The following CDKL1 variants were observed in gnomAD, a reference collection of about 807,000 sequenced individuals.
CDKL1 encodes cyclin-dependent kinase-like 1.
CDKL1 carries 41 observed loss-of-function variants against 42.0 expected under a neutral mutation model. The ratio of observed to expected loss-of-function variants is 0.98; its 90% CI spans 0.76 to 1.27. The LOEUF (loss-of-function observed/expected upper bound fraction) is 1.27, where lower values mean the gene tolerates loss of function less well. Ranked by LOEUF, CDKL1 falls within the 50% of genes most tolerant of loss-of-function variation. CDKL1 has a pLI of 0.00. For synonymous variants in CDKL1, 153 were observed against 158.6 expected (o/e 0.96, Z 0.26); for missense variants, 394 against 428.4 (o/e 0.92, Z 0.71).
chr14:50,379,682 C>T (rs1458996145), intron 2 of CDKL1, among the ~76,000 whole-genome samples: 2 of 152,098 alleles, frequency 1.3e-5, no homozygotes, highest in Non-Finnish European at 1.5e-5. Flanking sequence ...ATGTGTCACC[C>T]GACTTGCATT....
chr14:50,373,871 T>C (rs187781811), intron 2 of CDKL1, among the ~76,000 whole-genome samples: 64 of 152,340 alleles, frequency 4.2e-4, no homozygotes, highest in African/African-American at 1.4e-3. Flanking sequence ...GTTTGGCAGT[T>C]TCTTACAAAG....
rs796368991 is a variant in CDKL1, at chr14:50,328,939, A to ATATGTG, written c.*1134_*1135insCACATA. On this transcript the variant is annotated 3_prime_UTR_variant, in exon 10 of 10. Transcript: ENST00000395834. The stretch of plus-strand genomic sequence containing the variant: ...ATATATAAAAAACACATATATATAT[A>ATATGTG]TGTGTGTGTGTGTCATCATTTTAAG... 1.3e-5 allele frequency: 2 copies of ATATGTG among 148,586 alleles called. No homozygotes were observed. Among genetic ancestry groups the ATATGTG allele is most frequent in the Admixed American group, 6.7e-5 (1 of 14,838 alleles). 9.2% of individuals were successfully genotyped at this position (148,586 alleles called of 1,614,324 possible).
chr14:50,331,782 A>G (rs746884232), intron 9 of CDKL1: 169 of 511,494 alleles, frequency 3.3e-4, no homozygotes, highest in Non-Finnish European at 1.6e-4. Flanking sequence ...GGTTAAATGT[A>G]TTCAGCTGAT....
At chr14:50,392,305 G>A (rs2035280277) in intron 2 of CDKL1, among the ~76,000 whole-genome samples, 1 of 152,058 alleles carries the variant, frequency 6.6e-6, no homozygotes, top group Non-Finnish European at 1.5e-5. Context: ...AAGTGGCCAG[G>A]TGTAGTGGCA....
intron 3 of CDKL1, among the ~76,000 whole-genome samples, chr14:50,355,426 A>G (rs1692778095): frequency 6.6e-6 from 1 of 152,244 alleles, no homozygotes; most frequent in African/African-American, 2.4e-5. Context: ...CCAGCAGAGT[A>G]CTTCATAATC....
At chr14:50,352,410 T>C (rs2033930757) in intron 3 of CDKL1, among the ~76,000 whole-genome samples, 1 of 152,036 alleles carries the variant, frequency 6.6e-6, no homozygotes, top group Non-Finnish European at 1.5e-5. Context: ...AACTCAAAAG[T>C]ACCAATTTGA....
In CDKL1 at chr14:50,358,540, A is replaced by AT. The variant is rs1469312604; in HGVS notation, c.290+487dup. ...TGCTGGTTTCTTCATTAAAGTGACT[A>AT]TTTTTTTTATCCTTTTGTAACATTT... On this transcript the variant is annotated intron_variant, in intron 3 of 9. Transcript: ENST00000395834. Among the ~76,000 whole-genome samples the AT allele has an allele frequency of 6.6e-5, 10 of 150,410 alleles. No individual in the cohort carries two copies. The South Asian group carries it at 1.9e-3, about 28-fold the overall frequency.
At chr14:50,388,385 G>C (rs2035149719) in intron 2 of CDKL1, among the ~76,000 whole-genome samples, 1 of 152,210 alleles carries the variant, frequency 6.6e-6, no homozygotes, top group Non-Finnish European at 1.5e-5. Context: ...AGGCAACCTT[G>C]ACAGTCCTAC....
At chr14:50,336,255 C>A in intron 7 of CDKL1, 1 of 1,271,426 alleles carries the variant, frequency 7.9e-7, no homozygotes. Flanking sequence ...GCAGCCCCCG[C>A]ACTGCCTCTT....
intron 3 of CDKL1, among the ~76,000 whole-genome samples, chr14:50,356,627 A>G (rs1430173177): frequency 6.6e-6 from 1 of 152,174 alleles, no homozygotes; most frequent in Non-Finnish European, 1.5e-5. Flanking sequence ...GAGCTGAACA[A>G]TGAGAACACA....
In CDKL1 at chr14:50,334,555, T is replaced by G. The variant is rs773184833; in HGVS notation, c.795+10A>C. On this transcript the variant is annotated intron_variant, in intron 8 of 9. Transcript: ENST00000395834. ...GTGCTTCCTGGTCTGTTGGAAGCCA[T>G]GATTTTTACCTTTAGGAGCCCCAGG... The G allele has an allele frequency of 6.5e-7, 1 of 1,547,624 alleles. No individual in the cohort carries two copies. Among genetic ancestry groups the G allele is most frequent in the Non-Finnish European group, 8.9e-7 (1 of 1,119,878 alleles).
intron 3 of CDKL1, chr14:50,358,215 A>C: frequency 8.7e-7 from 1 of 1,147,488 alleles, no homozygotes; most frequent in Non-Finnish European, 1.1e-6. Context: ...TTACAGCCAC[A>C]ACACAATTGT....
rs57657571 is a variant in CDKL1, at chr14:50,329,036, C to CATATAT, written c.*1032_*1037dup. On this transcript the variant is annotated 3_prime_UTR_variant, in exon 10 of 10. Coordinates refer to ENST00000395834, the MANE Select transcript of CDKL1 (RefSeq NM_004196.7). ...TGTAATATATTAGTTGTTAGAATAG[C>CATATAT]ATATATATATATATATATATATATA... is the stretch of plus-strand genomic sequence containing the variant. 7.8e-3 allele frequency: 1,092 copies of CATATAT among 140,552 alleles called. 8 individuals carry two copies. The highest frequency in any genetic ancestry group is 0.021 in the African/African-American group (783 of 38,130). 8.7% of individuals were successfully genotyped at this position (140,552 alleles called of 1,614,324 possible).
intron 3 of CDKL1, 118 bp downstream of exon 3, chr14:50,358,910 G>T (rs1415609903): frequency 1.2e-5 from 12 of 969,786 alleles, no homozygotes; most frequent in Middle Eastern, 2.6e-4. Context: ...AAAGTGCTGG[G>T]ATTACTGGCA....
At chr14:50,386,259 C>G (rs1175664028) in intron 2 of CDKL1, among the ~76,000 whole-genome samples, 1 of 151,932 alleles carries the variant, frequency 6.6e-6, no homozygotes, top group Non-Finnish European at 1.5e-5. Flanking sequence ...TAGTAAAATC[C>G]TATCTCTACA....
rs149198976 is a variant in CDKL1 at position 50,377,670 on chromosome 14, C to A, written c.168+18031G>T. ...GGAGGAGCCCAGGGAGGTGTAGCAA[C>A]ACAGTCACTAAGCCTTTTGTCAGGG... is the stretch of plus-strand genomic sequence containing the variant. On this transcript the variant is annotated intron_variant, in intron 2 of 9. Transcript: ENST00000395834. The A allele has an allele frequency of 2.5e-3, 3,338 of 1,347,598 alleles. 19 individuals are homozygous for A. The Middle Eastern group carries it at 0.034, about 14-fold the overall frequency. The allele number at this position is 1,347,598 out of a possible 1,614,324, so 83.5% of individuals were successfully genotyped here. A position where few individuals can be genotyped will look rare whatever the true frequency, so the allele number is the denominator to read the frequency against.
intron 2 of CDKL1, among the ~76,000 whole-genome samples, chr14:50,369,306 A>G (rs922249235): frequency 6.6e-6 from 1 of 152,054 alleles, no homozygotes; most frequent in Non-Finnish European, 1.5e-5. Context: ...CACTTTAGAC[A>G]AGGCTTGTAT....
intron 7 of CDKL1, among the ~76,000 whole-genome samples, chr14:50,335,286 A>G (rs1299803633): frequency 1.7e-5 from 2 of 120,962 alleles, no homozygotes; most frequent in African/African-American, 6.7e-5. Flanking sequence ...ACAGAGCAAG[A>G]CCCTGTCTCA....
intron 2 of CDKL1, among the ~76,000 whole-genome samples, chr14:50,382,243 G>C (rs1337358812): frequency 6.6e-6 from 1 of 152,084 alleles, no homozygotes; most frequent in South Asian, 2.1e-4. Context: ...ACGAGGTCAC[G>C]AGATCGAGAC....
Sources: gnomAD v4.1 joint callset for allele counts (sites outside exome capture counted in the v4.1 genomes callset) on GRCh38, gnomAD v4.1.1 for gene constraint, MANE v1.5 for transcripts, NCBI Gene and HGNC (gene_info 2026-07-23, HGNC 2026-07-21) for gene names.